SRGAP1: variants seen among roughly 807,000 people sequenced by gnomAD.
SRGAP1 encodes the protein SLIT-ROBO Rho GTPase-activating protein 1.
A neutral mutation model predicts 121.9 loss-of-function variants in SRGAP1; 43 were observed. That is an observed-to-expected ratio of 0.35 (90% CI 0.28 to 0.46). The LOEUF (loss-of-function observed/expected upper bound fraction) is 0.46. Ranked by LOEUF, SRGAP1 falls within the 20% of genes least tolerant of loss-of-function variation. The pLI, the probability that SRGAP1 is intolerant of heterozygous loss-of-function variation, is 1.00. For synonymous variants in SRGAP1, 447 were observed against 485.4 expected (o/e 0.92, Z 1.04); for missense variants, 1,102 against 1,350.9 (o/e 0.82, Z 2.89).
intron 3 of SRGAP1, among the ~76,000 whole-genome samples, chr12:63,994,352 C>T (rs2033634792): frequency 6.6e-6 from 1 of 152,142 alleles, no homozygotes; most frequent in South Asian, 2.1e-4. Flanking sequence ...TCCAGAGAAT[C>T]AGTTTTATTT....
At chr12:64,006,772 G>A (rs1366129548) in intron 3 of SRGAP1, among the ~76,000 whole-genome samples, 1 of 151,894 alleles carries the variant, frequency 6.6e-6, no homozygotes, top group Non-Finnish European at 1.5e-5. Flanking sequence ...AGTGTGTCCT[G>A]GGGGGGAAAA....
chr12:63,864,220 T>C (rs549400079), intron 1 of SRGAP1, among the ~76,000 whole-genome samples: 1 of 152,184 alleles, frequency 6.6e-6, no homozygotes, highest in Non-Finnish European at 1.5e-5. Flanking sequence ...ATTCCAAGAT[T>C]TCCTCCAGCA....
chr12:64,058,488 T>G (rs1158684474), intron 6 of SRGAP1, among the ~76,000 whole-genome samples: 1 of 152,218 alleles, frequency 6.6e-6, no homozygotes, highest in African/African-American at 2.4e-5. Flanking sequence ...GGAATCTGTC[T>G]TGACAGGTTT....
chr12:63,889,971 T>C (rs1900522657), intron 1 of SRGAP1, among the ~76,000 whole-genome samples: 1 of 151,796 alleles, frequency 6.6e-6, no homozygotes, highest in Non-Finnish European at 1.5e-5. Context: ...CATGGGTTAA[T>C]CATTCATTTG....
intron 1 of SRGAP1, among the ~76,000 whole-genome samples, chr12:63,894,288 G>C (rs1305345292): frequency 6.6e-6 from 1 of 151,896 alleles, no homozygotes; most frequent in East Asian, 1.9e-4. Flanking sequence ...TTTCATCAGA[G>C]TAGTTAAAAT....
At chr12:64,009,944 A>G (rs889335512) in intron 3 of SRGAP1, among the ~76,000 whole-genome samples, 1 of 152,188 alleles carries the variant, frequency 6.6e-6, no homozygotes, top group Admixed American at 6.5e-5. Flanking sequence ...GCACAACCCA[A>G]CTTTCTCCAT....
At chr12:64,080,636 T>A in intron 10 of SRGAP1, 1 of 514,222 alleles carries the variant, frequency 1.9e-6, no homozygotes, top group Non-Finnish European at 3.5e-6. Context: ...ATCTTCAGAG[T>A]GTGGTGCTCC....
At position 63,971,404 on chromosome 12, in the gene SRGAP1, T is replaced by C. The variant is rs151063499; in HGVS notation, c.68-12543T>C. On this transcript the variant is annotated intron_variant, in intron 1 of 21. Coordinates refer to ENST00000355086, the MANE Select transcript of SRGAP1 (RefSeq NM_020762.4). ...CTACCTGGAAGATGCTCAGTAATGT[T>C]TGTCAGATGAGTACGTAAGCATTTT... Among the ~76,000 whole-genome samples the C allele has an allele frequency of 5.3e-3, 802 of 152,354 alleles. 5 individuals are homozygous for C. The highest frequency in any genetic ancestry group is 0.018 in the African/African-American group (735 of 41,582).
intron 2 of SRGAP1, among the ~76,000 whole-genome samples, chr12:63,988,318 AT>A (rs1313199364): frequency 6.6e-6 from 1 of 152,188 alleles, no homozygotes; most frequent in East Asian, 1.9e-4. Flanking sequence ...ATAAGGTAAC[AT>A]TTACCTTGTT....
rs772528731 is a variant in SRGAP1 at position 64,086,984 on chromosome 12, A to T, written c.1409-15A>T. The T allele has an allele frequency of 2.5e-6, 4 of 1,591,156 alleles. No individual in the cohort carries two copies. The highest frequency in any genetic ancestry group is 2.3e-5 in the South Asian group (2 of 88,438). Reference sequence around the variant, plus strand: ...ATTCCTTTCAGTTTACTTACTTTAAATTTTTTTCCTGCAGGTCATAGAGCT... The same window carrying T: ...ATTCCTTTCAGTTTACTTACTTTAATTTTTTTTCCTGCAGGTCATAGAGCT... On this transcript the variant is annotated splice_polypyrimidine_tract_variant and intron_variant, in intron 10 of 21. Coordinates refer to ENST00000355086, the MANE Select transcript of SRGAP1 (RefSeq NM_020762.4).
intron 4 of SRGAP1, chr12:64,032,684 C>CAA (rs1346334248): frequency 1.4e-3 from 224 of 164,326 alleles, no homozygotes; most frequent in African/African-American, 6.2e-3. Flanking sequence ...GCTTTCAAAG[C>CAA]AAAAAAAAAA....
At chr12:63,849,106 G>T (rs7299314) in intron 1 of SRGAP1, among the ~76,000 whole-genome samples, 23,473 of 152,090 alleles carry the variant, frequency 0.15, 2,902 homozygotes, top group East Asian at 0.41. Context: ...AATTCTCAAA[G>T]ACTTAGAATT....
chr12:64,117,360 G>GT (rs1278117311), intron 18 of SRGAP1, among the ~76,000 whole-genome samples: 1 of 151,972 alleles, frequency 6.6e-6, no homozygotes, highest in Non-Finnish European at 1.5e-5. Flanking sequence ...GTATTTAGTT[G>GT]TTTTTTTATT....
chr12:64,087,320 T>C (rs768221338), intron 11 of SRGAP1, among the ~76,000 whole-genome samples: 3 of 152,146 alleles, frequency 2.0e-5, no homozygotes, highest in Non-Finnish European at 4.4e-5. Flanking sequence ...TGTTTCTAAA[T>C]AGCGTGACAG....
chr12:64,089,418 G>A (rs2036007437), intron 11 of SRGAP1, among the ~76,000 whole-genome samples: 1 of 152,162 alleles, frequency 6.6e-6, no homozygotes, highest in South Asian at 2.1e-4. Context: ...CCCTGGTGGT[G>A]GGGCACATCC....
At position 64,042,050 on chromosome 12, in the gene SRGAP1, C is replaced by T. The variant is rs369549801; in HGVS notation, c.490-740C>T. 2.6e-4 allele frequency among the ~76,000 whole-genome samples: 40 copies of T among 151,896 alleles called. No individual in the cohort carries two copies. In the East Asian group the frequency reaches 7.0e-3, roughly 27 times the overall value. On this transcript the variant is annotated intron_variant, in intron 4 of 21. Coordinates refer to ENST00000355086, the MANE Select transcript of SRGAP1 (RefSeq NM_020762.4). ...AGTAGCTGGATTACAGATGTGCCAA[C>T]ACACTTGGCTAACTTTTTGTATTTT...
chr12:64,131,499 G>A (rs71467169), intron 21 of SRGAP1, among the ~76,000 whole-genome samples: 1 of 152,194 alleles, frequency 6.6e-6, no homozygotes, highest in Non-Finnish European at 1.5e-5. Context: ...GGATGTCCTA[G>A]AAAGGGGCTG....
chr12:63,877,067 T>C (rs1230594614), intron 1 of SRGAP1, among the ~76,000 whole-genome samples: 2 of 152,078 alleles, frequency 1.3e-5, no homozygotes, highest in Non-Finnish European at 2.9e-5. Context: ...CTACTAAAAA[T>C]ACAAAAAATT....
intron 1 of SRGAP1, among the ~76,000 whole-genome samples, chr12:63,945,609 A>T (rs888103924): frequency 2.6e-5 from 4 of 152,162 alleles, no homozygotes; most frequent in African/African-American, 9.6e-5. Context: ...CCCCATTGTT[A>T]GTTTAGGGAT....
Sources: allele counts gnomAD v4.1 joint callset (sites outside exome capture counted in the v4.1 genomes callset), GRCh38; gene constraint gnomAD v4.1.1; transcripts MANE v1.5; gene names NCBI Gene and HGNC (gene_info 2026-07-23, HGNC 2026-07-21).